SH3KBP1: variants seen among roughly 807,000 people sequenced by gnomAD.
SH3KBP1 encodes SH3 domain containing kinase binding protein 1.
A neutral mutation model predicts 50.1 loss-of-function variants in SH3KBP1; 8 were observed. The observed-to-expected ratio is 0.16, with a 90% CI of 0.09 to 0.29. The LOEUF (loss-of-function observed/expected upper bound fraction) is 0.29, where lower values mean the gene tolerates loss of function less well. SH3KBP1 is among the 10% of genes least tolerant of loss of function. The pLI is 1.00. For missense variants in SH3KBP1, 377 were observed against 535.2 expected, an observed-to-expected ratio of 0.70 and a Z score of 2.92; for synonymous variants, 227 against 218.6, an observed-to-expected ratio of 1.04 and a Z score of -0.34.
At chrX:19,588,269 T>TGAGGCC (rs1174391556) in intron 12 of SH3KBP1, 1 of 963,453 alleles carries the variant, frequency 1.0e-6, no homozygotes, top group Non-Finnish European at 1.4e-6. Flanking sequence ...TATACATACT[T>TGAGGCC]GAGGCCGGCA....
At chrX:19,632,116 C>G (rs1051887570) in intron 7 of SH3KBP1, among the ~76,000 whole-genome samples, 158 bp from the exon 8 acceptor site, 2 of 111,563 alleles carry the variant, frequency 1.8e-5, no homozygotes, top group African/African-American at 6.5e-5. Context: ...GAAAATGACC[C>G]GAGAGTGCTC....
intron 8 of SH3KBP1, among the ~76,000 whole-genome samples, chrX:19,608,952 G>A (rs1337027231): frequency 8.9e-6 from 1 of 112,525 alleles, no homozygotes; most frequent in Non-Finnish European, 1.9e-5. Context: ...TTCTTCCAGA[G>A]TGAACTTGCT....
At chrX:19,542,600 G>A (rs2147554916) in intron 15 of SH3KBP1, among the ~76,000 whole-genome samples, 1 of 111,339 alleles carries the variant, frequency 9.0e-6, no homozygotes, top group South Asian at 3.8e-4. Context: ...GGGGACAACT[G>A]CACAGAGGGA....
At chrX:19,691,428 T>TTATA (rs756177568) in intron 5 of SH3KBP1, among the ~76,000 whole-genome samples, 93 of 99,876 alleles carry the variant, frequency 9.3e-4, no homozygotes, top group African/African-American at 2.1e-3. Context: ...ATATTCAGGT[T>TTATA]TATATATATA....
rs772207050 is a variant in SH3KBP1, at chrX:19,788,701, AGATGAAAAG to A, written c.163-42269_163-42261del. On this transcript the variant is annotated intron_variant, in intron 2 of 17. Transcript: ENST00000397821. ...TTACCTGGACCTCCAATATGTTAACAGATGAAAAGGATGAAAAGGGTTACTCAAAAGAAA... is the reference window on the plus strand; with the variant it reads ...TTACCTGGACCTCCAATATGTTAACAGATGAAAAGGGTTACTCAAAAGAAA... Among the ~76,000 whole-genome samples the A allele has an allele frequency of 4.3e-3, 481 of 112,618 alleles. 2 individuals carry two copies. The highest frequency in any genetic ancestry group is 0.015 in the African/African-American group (453 of 30,965).
At chrX:19,831,996 T>C (rs1455318680) in intron 2 of SH3KBP1, among the ~76,000 whole-genome samples, 1 of 111,712 alleles carries the variant, frequency 9.0e-6, no homozygotes, top group African/African-American at 3.3e-5. Flanking sequence ...TGCAACCACC[T>C]ACTGAATTTT....
At chrX:19,620,751 A>C (rs780120246) in intron 8 of SH3KBP1, among the ~76,000 whole-genome samples, 1 of 112,540 alleles carries the variant, frequency 8.9e-6, no homozygotes, top group Non-Finnish European at 1.9e-5. Context: ...GCAATTACTT[A>C]CTGAACACTG....
chrX:19,597,428 G>T (rs2066938447), intron 9 of SH3KBP1, among the ~76,000 whole-genome samples: 1 of 111,362 alleles, frequency 9.0e-6, no homozygotes, highest in Non-Finnish European at 1.9e-5. Context: ...TTTTTTTGTT[G>T]TTTTTGTTTT....
At chrX:19,875,503 T>C (rs958699885) in intron 1 of SH3KBP1, among the ~76,000 whole-genome samples, 34 of 112,271 alleles carry the variant, frequency 3.0e-4, no homozygotes, top group African/African-American at 1.1e-3. Context: ...CGGTCTAGCA[T>C]CCTCACTGAG....
At chrX:19,676,523 T>C (rs375449013) in intron 6 of SH3KBP1, among the ~76,000 whole-genome samples, 1 of 111,421 alleles carries the variant, frequency 9.0e-6, no homozygotes, top group African/African-American at 3.3e-5. Flanking sequence ...AACGGATAAA[T>C]GCTTGAGGGG....
intron 3 of SH3KBP1, among the ~76,000 whole-genome samples, chrX:19,732,596 T>TACACACACACACAC (rs60032683): frequency 3.6e-4 from 33 of 90,750 alleles, no homozygotes; most frequent in African/African-American, 1.2e-3. Flanking sequence ...TAAAAATCCC[T>TACACACACACACAC]ACACACACAC....
At chrX:19,816,878 T>C (rs1466072319) in intron 2 of SH3KBP1, among the ~76,000 whole-genome samples, 1 of 112,246 alleles carries the variant, frequency 8.9e-6, no homozygotes, top group Non-Finnish European at 1.9e-5. Flanking sequence ...TGCCTATGTT[T>C]AATTCTAACA....
Position 19,746,361 on chromosome X carries a change from G to A in SH3KBP1, c.243C>T (p.Asn81=), listed in dbSNP as rs1201806788. The part of the protein sequence containing the change: ...EKPLHEVPSG[N]SLLSSETILR... The stretch of plus-strand genomic sequence containing the variant: ...AAATCGTTTCAGAAGACAGCAAAGA[G>A]TTTCCACTGGGCACTTCGTGCAGGG... The change falls in exon 3 of 18, where the codon AAC becomes AAT. Residue 81 remains asparagine (N), a synonymous_variant. Transcript: ENST00000397821. 3.3e-6 allele frequency: 4 copies of A among 1,208,225 alleles called. No homozygotes were observed. The East Asian group carries it at 8.9e-5, about 27-fold the overall frequency.
At position 19,534,998 on chromosome X, in the gene SH3KBP1, A is replaced by C. The variant is rs1264824448; in HGVS notation, c.*1419T>G. The C allele has an allele frequency of 1.0e-5, 3 of 297,603 alleles. No individual in the cohort carries two copies. The East Asian group carries it at 1.4e-4, about 14-fold the overall frequency. 24.5% of individuals were successfully genotyped at this position (297,603 alleles called of 1,213,427 possible). A position where few individuals can be genotyped will look rare whatever the true frequency, so the allele number is the denominator to read the frequency against. ...ATTAATGTTTAGTAGTTTCACTATT[A>C]AACTCAGGAAAGAGACAAAGCAGCT... On this transcript the variant is annotated 3_prime_UTR_variant, in exon 18 of 18. Transcript: ENST00000397821.
At chrX:19,713,170 T>C (rs775620363) in intron 3 of SH3KBP1, among the ~76,000 whole-genome samples, 2 of 110,997 alleles carry the variant, frequency 1.8e-5, no homozygotes, top group South Asian at 3.8e-4. Flanking sequence ...TGAGCCAAGA[T>C]TGTCCCACTG....
At chrX:19,594,858 C>CG (rs2066850015) in intron 10 of SH3KBP1, 91 bp downstream of exon 10, 1 of 700,495 alleles carries the variant, frequency 1.4e-6, no homozygotes, top group Non-Finnish European at 2.3e-6. Context: ...GCACTTGAAC[C>CG]AGGAATCCCG....
At chrX:19,845,201 G>T (rs180862708) in intron 1 of SH3KBP1, among the ~76,000 whole-genome samples, 32 of 111,210 alleles carry the variant, frequency 2.9e-4, no homozygotes, top group Admixed American at 2.8e-3. Context: ...AAAACAGGCC[G>T]GGCACGGTGG....
At chrX:19,705,188 G>A (rs749337654) in intron 4 of SH3KBP1, among the ~76,000 whole-genome samples, 9 of 111,824 alleles carry the variant, frequency 8.0e-5, no homozygotes, top group South Asian at 3.7e-4. Flanking sequence ...TTTTTTCTCC[G>A]TCTGGGATCT....
chrX:19,703,695 A>AGT (rs2063577743), intron 4 of SH3KBP1, among the ~76,000 whole-genome samples: 2 of 70,391 alleles, frequency 2.8e-5, no homozygotes, highest in African/African-American at 5.5e-5. Context: ...AAAAAGAGAA[A>AGT]CTGTGTGTGT....
Sources: gnomAD v4.1 joint callset for allele counts (sites outside exome capture counted in the v4.1 genomes callset) on GRCh38, gnomAD v4.1.1 for gene constraint, MANE v1.5 for transcripts, NCBI Gene and HGNC (gene_info 2026-07-23, HGNC 2026-07-21) for gene names.